Variants in EOGT observed in about 807,000 individuals in gnomAD.
EOGT encodes EGF domain-specific O-linked N-acetylglucosamine transferase.
In EOGT, 55 loss-of-function variants were observed where a neutral mutation model predicts 70.5. The ratio of observed to expected loss-of-function variants is 0.78; its 90% CI spans 0.63 to 0.98. EOGT has a LOEUF of 0.98. Ranked by LOEUF, EOGT falls within the 50% of genes least tolerant of loss-of-function variation. The pLI is 0.00. For missense variants in EOGT, 703 were observed against 641.9 expected, an observed-to-expected ratio of 1.10 and a Z score of -1.03; for synonymous variants, 246 against 217.1, an observed-to-expected ratio of 1.13 and a Z score of -1.17.
In EOGT at chr3:68,977,253, G is replaced by T. The variant is rs1030713573; in HGVS notation, c.*365C>A. 2 of 175,468 alleles carry T rather than the reference G, an allele frequency of 1.1e-5. No individual in the cohort carries two copies. Among genetic ancestry groups the T allele is most frequent in the South Asian group, 1.2e-4 (1 of 8,174 alleles). The allele number at this position is 175,468 out of a possible 1,614,324, so 10.9% of individuals were successfully genotyped here. A position where few individuals can be genotyped will look rare whatever the true frequency, so the allele number is the denominator to read the frequency against. ...AGGCAAAAGAATCGCTTGAACCTGGGGAGGCAGAAGTTGCATAAACTGAGA... is the reference window on the plus strand; with the variant it reads ...AGGCAAAAGAATCGCTTGAACCTGGTGAGGCAGAAGTTGCATAAACTGAGA... On this transcript the variant is annotated 3_prime_UTR_variant, in exon 18 of 18. Coordinates refer to ENST00000383701, the MANE Select transcript of EOGT (RefSeq NM_001278689.2).
chr3:69,003,974 G>A (rs1277658427), intron 8 of EOGT, among the ~76,000 whole-genome samples: 1 of 152,160 alleles, frequency 6.6e-6, no homozygotes, highest in Non-Finnish European at 1.5e-5. Context: ...CTGGGCTCAA[G>A]TAATACTTCT....
At chr3:69,013,280 G>T (rs1442157324) in intron 1 of EOGT, among the ~76,000 whole-genome samples, 3 of 151,762 alleles carry the variant, frequency 2.0e-5, no homozygotes, top group Admixed American at 1.3e-4. Context: ...CCCGGGGAGC[G>T]GCTCCGCCCC....
chr3:69,000,801 A>G (rs1375316076), intron 9 of EOGT, among the ~76,000 whole-genome samples: 1 of 152,188 alleles, frequency 6.6e-6, no homozygotes, highest in Non-Finnish European at 1.5e-5. Context: ...ATAAGTATAA[A>G]TGATAAAATA....
At chr3:69,002,218 T>C (rs889474481) in intron 8 of EOGT, among the ~76,000 whole-genome samples, 1 of 152,016 alleles carries the variant, frequency 6.6e-6, no homozygotes, top group African/African-American at 2.4e-5. Context: ...CCAGGTTGAG[T>C]CTAGAGATGG....
In EOGT at chr3:68,995,444, G is replaced by C. The variant is rs528918187; in HGVS notation, c.831+2567C>G. 2.0e-5 allele frequency among the ~76,000 whole-genome samples: 3 copies of C among 152,292 alleles called. No individual in the cohort carries two copies. The South Asian group carries it at 6.2e-4, about 32-fold the overall frequency. ...GGAGGTAACACCAGGCGGCCACCCTGCTGGGCTACACCCATCCTGCTTAAC... is the reference window on the plus strand; with the variant it reads ...GGAGGTAACACCAGGCGGCCACCCTCCTGGGCTACACCCATCCTGCTTAAC... On this transcript the variant is annotated intron_variant, in intron 10 of 17. Coordinates refer to ENST00000383701, the MANE Select transcript of EOGT (RefSeq NM_001278689.2).
chr3:69,009,933 C>CAAAAAAAAAAAAAAA, intron 3 of EOGT, 73 bp from the exon 4 acceptor site: 9 of 255,192 alleles, frequency 3.5e-5, no homozygotes, highest in Non-Finnish European at 6.0e-5. Context: ...ACAACAACAA[C>CAAAAAAAAAAAAAAA]AAAAAAAAAA....
At chr3:68,982,083 T>A (rs1161925425) in intron 15 of EOGT, among the ~76,000 whole-genome samples, 1 of 152,086 alleles carries the variant, frequency 6.6e-6, no homozygotes, top group Admixed American at 6.5e-5. Context: ...ATTTTTTTTA[T>A]TTTTTAGTAG....
chr3:68,979,950 G>C (rs921887582), intron 15 of EOGT, among the ~76,000 whole-genome samples, 163 bp from the exon 16 acceptor site: 1 of 152,210 alleles, frequency 6.6e-6, no homozygotes, highest in Non-Finnish European at 1.5e-5. Flanking sequence ...GTGCGCTCTA[G>C]TAATTAATAA....
At chr3:68,991,844 C>T (rs1322396800) in intron 10 of EOGT, among the ~76,000 whole-genome samples, 1 of 152,150 alleles carries the variant, frequency 6.6e-6, no homozygotes, top group Non-Finnish European at 1.5e-5. Flanking sequence ...CTGGGGAGGC[C>T]TCAGAACCAT....
chr3:68,988,598 AAAG>A (rs1483303883), intron 11 of EOGT, 21 bp from the exon 12 acceptor site: 12 of 1,463,146 alleles, frequency 8.2e-6, no homozygotes, highest in South Asian at 1.3e-5. Context: ...AGATACATTA[AAAG>A]AAGATGTAAT....
intron 10 of EOGT, among the ~76,000 whole-genome samples, chr3:68,994,295 G>C (rs1044830383): frequency 6.6e-6 from 1 of 152,078 alleles, no homozygotes; most frequent in African/African-American, 2.4e-5. Flanking sequence ...AGTGAGCTAG[G>C]ATCATATTCC....
chr3:68,983,229 T>C (rs1172481611), intron 14 of EOGT, among the ~76,000 whole-genome samples: 1 of 152,214 alleles, frequency 6.6e-6, no homozygotes, highest in Non-Finnish European at 1.5e-5. Flanking sequence ...TATTATTCCC[T>C]CAACTTTCAA....
rs2090581130 is a variant in EOGT at position 68,979,751 on chromosome 3, G to C, written c.1251C>G (p.His417Gln). Residue 417 changes from histidine (H) to glutamine (Q), a missense_variant, in exon 16 of 18, where the codon CAC (histidine) becomes CAG (glutamine). His to Gln is a conservative substitution (Grantham distance 24). Coordinates refer to ENST00000383701, the MANE Select transcript of EOGT (RefSeq NM_001278689.2). Reference sequence around the variant, plus strand: ...GCATTCCAATAAATATGTCCGTGTTGTGTGTGATCCTTAGTTGATCTAAAA... The same window carrying C: ...GCATTCCAATAAATATGTCCGTGTTCTGTGTGATCCTTAGTTGATCTAAAA... Reference protein sequence around the residue: ...LGFLDQLRITHNTDIFIGMHG... With the variant: ...LGFLDQLRITQNTDIFIGMHG... The C allele has an allele frequency of 6.2e-7, 1 of 1,613,460 alleles. No homozygotes were observed. Among genetic ancestry groups the C allele is most frequent in the South Asian group, 1.1e-5 (1 of 91,062 alleles).
At chr3:68,984,488 T>C (rs1238645213) in intron 14 of EOGT, among the ~76,000 whole-genome samples, 1 of 152,186 alleles carries the variant, frequency 6.6e-6, no homozygotes, top group South Asian at 2.1e-4. Context: ...CCGATGGCTA[T>C]TCAAACCCTA....
At chr3:68,979,124 C>A (rs12495265) in intron 16 of EOGT, among the ~76,000 whole-genome samples, 61,795 of 151,890 alleles carry the variant, frequency 0.41, 13,546 homozygotes, top group East Asian at 0.83. Context: ...TGTCTCAAGA[C>A]CTAAAATGGA....
At position 69,007,919 on chromosome 3, in the gene EOGT, C is replaced by T. The variant is rs2107388189; in HGVS notation, c.312-98G>A. ...TTAAAATGCTAGAGGTTCCTTATTA[C>T]TTTAATTTTGTTACAGTATATTATC... On this transcript the variant is annotated intron_variant, in intron 5 of 17. Coordinates refer to ENST00000383701, the MANE Select transcript of EOGT (RefSeq NM_001278689.2). The T allele has an allele frequency of 1.0e-5, 8 of 786,204 alleles. 1 individual carries two copies. Among genetic ancestry groups the T allele is most frequent in the South Asian group, 9.8e-5 (5 of 50,872 alleles). 48.7% of individuals were successfully genotyped at this position (786,204 alleles called of 1,614,324 possible).
intron 15 of EOGT, among the ~76,000 whole-genome samples, chr3:68,980,215 ATGT>A (rs1195056123): frequency 1.3e-5 from 2 of 152,222 alleles, no homozygotes; most frequent in African/African-American, 2.4e-5. Context: ...TGTTAAAGAG[ATGT>A]TGTGACACAC....
At chr3:68,980,996 A>T (rs2090623715) in intron 15 of EOGT, among the ~76,000 whole-genome samples, 1 of 152,118 alleles carries the variant, frequency 6.6e-6, no homozygotes, top group Non-Finnish European at 1.5e-5. Flanking sequence ...TCCCAGCCTC[A>T]TCTAGGTGAA....
intron 3 of EOGT, 73 bp from the exon 4 acceptor site, chr3:69,009,933 C>CAACAAAAAAAAAAAA: frequency 3.5e-5 from 9 of 255,176 alleles, no homozygotes; most frequent in South Asian, 9.5e-5. Context: ...ACAACAACAA[C>CAACAAAAAAAAAAAA]AAAAAAAAAA....
Sources: gnomAD v4.1 joint callset for allele counts (sites outside exome capture counted in the v4.1 genomes callset) on GRCh38, gnomAD v4.1.1 for gene constraint, MANE v1.5 for transcripts, NCBI Gene and HGNC (gene_info 2026-07-23, HGNC 2026-07-21) for gene names.